The following ST18 variants were observed in gnomAD, a reference collection of about 807,000 sequenced individuals.
ST18 encodes the protein ST18 C2H2C-type zinc finger transcription factor.
Under a neutral mutation model 110.0 loss-of-function variants are expected in ST18, and 50 were observed. That is an observed-to-expected ratio of 0.45 (90% confidence interval 0.36 to 0.58). ST18 has a LOEUF of 0.58. Among genes scored for constraint, ST18 ranks in the 20% least tolerant of loss-of-function variants. The pLI is 0.00. For missense variants in ST18, 1,306 were observed against 1,280.1 expected, an observed-to-expected ratio of 1.02 and a Z score of -0.31; for synonymous variants, 461 against 452.4, an observed-to-expected ratio of 1.02 and a Z score of -0.24.
chr8:52,372,470 T>G (rs1405949708), intron 2 of ST18, among the ~76,000 whole-genome samples: 2 of 152,212 alleles, frequency 1.3e-5, no homozygotes, highest in African/African-American at 4.8e-5. Flanking sequence ...GTTTCTAAAG[T>G]CTACAGCAGT....
chr8:52,234,267 A>G (rs2092208547), intron 2 of ST18, among the ~76,000 whole-genome samples: 1 of 149,314 alleles, frequency 6.7e-6, no homozygotes, highest in African/African-American at 2.4e-5. Context: ...TAAAAGTAGA[A>G]CTACCATTTT....
intron 2 of ST18, among the ~76,000 whole-genome samples, chr8:52,234,082 T>C (rs1349808598): frequency 6.6e-6 from 1 of 152,196 alleles, no homozygotes; most frequent in Non-Finnish European, 1.5e-5. Flanking sequence ...AGGTAACAGA[T>C]TATGTATTTT....
intron 8 of ST18, among the ~76,000 whole-genome samples, chr8:52,205,865 G>T (rs1224700617): frequency 6.6e-6 from 1 of 152,198 alleles, no homozygotes; most frequent in Non-Finnish European, 1.5e-5. Context: ...ACTACGCCCG[G>T]CCAGTGGTCT....
chr8:52,338,217 T>A (rs1379166562), intron 2 of ST18, among the ~76,000 whole-genome samples: 1 of 151,406 alleles, frequency 6.6e-6, no homozygotes, highest in African/African-American at 2.4e-5. Flanking sequence ...TGCCACCATG[T>A]CTGGCTAATT....
intron 3 of ST18, among the ~76,000 whole-genome samples, chr8:52,225,365 T>C (rs2088932885): frequency 6.6e-6 from 1 of 152,216 alleles, no homozygotes; most frequent in Admixed American, 6.5e-5. Context: ...CTGTAAACAT[T>C]ATAAACATAT....
chr8:52,402,495 G>A (rs938596020), intron 2 of ST18, among the ~76,000 whole-genome samples: 1 of 152,162 alleles, frequency 6.6e-6, no homozygotes, highest in South Asian at 2.1e-4. Flanking sequence ...TCAGGGCACA[G>A]CATTGACATG....
chr8:52,167,761 C>G (rs1427634952), intron 10 of ST18, among the ~76,000 whole-genome samples: 2 of 152,076 alleles, frequency 1.3e-5, no homozygotes, highest in Middle Eastern at 3.2e-3. Context: ...GAGCAGCGGT[C>G]CAGAGAGCAC....
chr8:52,376,597 T>C (rs1832477460), intron 2 of ST18, among the ~76,000 whole-genome samples: 1 of 151,810 alleles, frequency 6.6e-6, no homozygotes, highest in African/African-American at 2.4e-5. Context: ...TTCACTTATT[T>C]ATTACTGCTA....
intron 8 of ST18, among the ~76,000 whole-genome samples, chr8:52,209,770 CAAAA>C (rs1172620781): frequency 9.6e-4 from 69 of 71,874 alleles, no homozygotes; most frequent in African/African-American, 2.7e-3. Flanking sequence ...AACTCCATCT[CAAAA>C]AAAAAAAAAA....
intron 2 of ST18, among the ~76,000 whole-genome samples, chr8:52,326,851 T>C (rs1315354104): frequency 1.3e-5 from 2 of 152,280 alleles, no homozygotes; most frequent in East Asian, 3.9e-4. Flanking sequence ...TGTCACAGCT[T>C]CTCACAGGAG....
intron 2 of ST18, among the ~76,000 whole-genome samples, chr8:52,268,401 A>G (rs1306929678): frequency 6.6e-6 from 1 of 152,148 alleles, no homozygotes; most frequent in Non-Finnish European, 1.5e-5. Context: ...CATTCTACAG[A>G]TGGCTGGGTG....
intron 23 of ST18, among the ~76,000 whole-genome samples, chr8:52,121,507 C>A (rs993948620): frequency 6.6e-6 from 1 of 152,188 alleles, no homozygotes; most frequent in Non-Finnish European, 1.5e-5. Context: ...TGCACACAGT[C>A]TCTAAGAACC....
chr8:52,365,865 A>ATTT (rs34886267), intron 2 of ST18, among the ~76,000 whole-genome samples: 2 of 142,704 alleles, frequency 1.4e-5, no homozygotes, highest in Non-Finnish European at 1.5e-5. Context: ...TGCCTAGCTA[A>ATTT]TTTTTTTTTT....
intron 2 of ST18, among the ~76,000 whole-genome samples, chr8:52,383,542 G>A (rs1173742501): frequency 6.6e-6 from 1 of 151,918 alleles, no homozygotes; most frequent in Admixed American, 6.6e-5. Flanking sequence ...TCTGCCTCCC[G>A]GGTTCAACCA....
At chr8:52,201,722 C>A (rs545093682) in intron 8 of ST18, among the ~76,000 whole-genome samples, 1 of 152,368 alleles carries the variant, frequency 6.6e-6, no homozygotes, top group South Asian at 2.1e-4. Context: ...TGGGTCCTGG[C>A]AGTCACTTTG....
intron 8 of ST18, among the ~76,000 whole-genome samples, chr8:52,187,432 AACTATCCATATCAT>A (rs1457240583): frequency 6.6e-6 from 1 of 152,186 alleles, no homozygotes; most frequent in Non-Finnish European, 1.5e-5. Context: ...CTGTCCTTGA[AACTATCCATATCAT>A]ACTATTCAAT....
intron 16 of ST18, among the ~76,000 whole-genome samples, chr8:52,147,038 A>T (rs868653940): frequency 1.2e-4 from 19 of 152,226 alleles, no homozygotes; most frequent in South Asian, 4.1e-4. Context: ...ACTCTTAGTG[A>T]CACTGAATTC....
intron 2 of ST18, among the ~76,000 whole-genome samples, chr8:52,334,512 C>G (rs1336218263): frequency 6.6e-6 from 1 of 152,152 alleles, no homozygotes; most frequent in African/African-American, 2.4e-5. Context: ...ACAAGGATAA[C>G]TAGACAGATA....
Position 52,409,752 on chromosome 8 carries a change from G to C in ST18, c.-794C>G, listed in dbSNP as rs1474542953. On this transcript the variant is annotated 5_prime_UTR_variant, in exon 1 of 26. Coordinates refer to ENST00000689386, the MANE Select transcript of ST18 (RefSeq NM_001352837.2). Reference sequence around the variant, plus strand: ...CTTCTCCCTACAAAAAGGTTCCATAGAATCAGAACGCAGAGGCGCTGCAAC... The same window carrying C: ...CTTCTCCCTACAAAAAGGTTCCATACAATCAGAACGCAGAGGCGCTGCAAC... 1 of 152,264 alleles carries C rather than the reference G, an allele frequency of 6.6e-6. No individual in the cohort carries two copies. Among genetic ancestry groups the C allele is most frequent in the Non-Finnish European group, 1.5e-5 (1 of 68,052 alleles). 9.4% of individuals were successfully genotyped at this position (152,264 alleles called of 1,614,324 possible).
Sources: gnomAD v4.1 joint callset for allele counts (sites outside exome capture counted in the v4.1 genomes callset) on GRCh38, gnomAD v4.1.1 for gene constraint, MANE v1.5 for transcripts, NCBI Gene and HGNC (gene_info 2026-07-23, HGNC 2026-07-21) for gene names.